The following MYT1L variants were observed in gnomAD, a reference collection of about 807,000 sequenced individuals.
MYT1L encodes the protein myelin transcription factor 1 like, also known as myelin transcription factor 1-like protein.
In MYT1L, 12 loss-of-function variants were observed where a neutral mutation model predicts 126.7. The ratio of observed to expected loss-of-function variants is 0.09; its 90% CI spans 0.06 to 0.15. MYT1L has a LOEUF of 0.15. Among genes scored for constraint, MYT1L ranks in the 10% least tolerant of loss-of-function variants. The pLI is 1.00. For synonymous variants in MYT1L, 541 were observed against 604.2 expected (o/e 0.90, Z 1.53); for missense variants, 979 against 1,585.2 (o/e 0.62, Z 6.49).
rs1339076827 is a variant in MYT1L at position 1,976,439 on chromosome 2, C to T, written c.152+2726G>A. Reference sequence around the variant, plus strand: ...GGCGGATCACCGGAGATCAGGAGTTCGAGACCAGCCTGGCCAATGTGGTGA... The same window carrying T: ...GGCGGATCACCGGAGATCAGGAGTTTGAGACCAGCCTGGCCAATGTGGTGA... On this transcript the variant is annotated intron_variant, in intron 8 of 24. Transcript: ENST00000647738. Among the ~76,000 whole-genome samples, 5 of 152,126 alleles carry T rather than the reference C, an allele frequency of 3.3e-5. No homozygotes were observed. The East Asian group carries it at 7.7e-4, about 24-fold the overall frequency.
rs530519553 is a variant in MYT1L, at chr2:1,943,807, G to C, written c.153-473C>G. 2.0e-5 allele frequency among the ~76,000 whole-genome samples: 3 copies of C among 151,944 alleles called. No individual in the cohort carries two copies. Among genetic ancestry groups the C allele is most frequent in the Non-Finnish European group, 4.4e-5 (3 of 68,000 alleles). ...ATGTCTATGTCGTGAAAGAGCTTTG[G>C]ATATATTTGGATTTGTATATTTTAT... On this transcript the variant is annotated intron_variant, in intron 8 of 24. Transcript: ENST00000647738. This position sits in a 1 kb window ranked among gnomAD's most constrained non-coding sequence, Gnocchi z 4.4.
intron 4 of MYT1L, among the ~76,000 whole-genome samples, chr2:2,012,012 A>C (rs1458916885): frequency 6.6e-6 from 1 of 152,222 alleles, no homozygotes; most frequent in Non-Finnish European, 1.5e-5. Flanking sequence ...CACTTTAGAA[A>C]ACAGTGAGGC....
chr2:2,146,680 G>A (rs1396125846), intron 3 of MYT1L, among the ~76,000 whole-genome samples: 1 of 151,692 alleles, frequency 6.6e-6, no homozygotes, highest in Non-Finnish European at 1.5e-5. Flanking sequence ...GAATTAACAA[G>A]TGCATCTACA....
chr2:2,087,396 G>A (rs1454426847), intron 3 of MYT1L, among the ~76,000 whole-genome samples: 2 of 152,116 alleles, frequency 1.3e-5, no homozygotes, highest in Non-Finnish European at 2.9e-5. Context: ...GAAAGGCTAG[G>A]GTGCCACAGG....
intron 3 of MYT1L, among the ~76,000 whole-genome samples, chr2:2,073,682 G>T (rs1007334472): frequency 6.6e-6 from 1 of 152,208 alleles, no homozygotes; most frequent in Admixed American, 6.5e-5. Context: ...GTTGTATGTC[G>T]GTGACTCCCA....
intron 4 of MYT1L, among the ~76,000 whole-genome samples, chr2:2,006,885 T>C (rs1309788338): frequency 6.7e-6 from 1 of 149,936 alleles, no homozygotes; most frequent in African/African-American, 2.5e-5. Flanking sequence ...CTGAGCTCTT[T>C]AGGAAAAAAA....
At chr2:1,886,415 G>T in intron 18 of MYT1L, 124 bp downstream of exon 18, 2 of 600,474 alleles carry the variant, frequency 3.3e-6, no homozygotes, top group Non-Finnish European at 5.4e-6. Context: ...CTACATCAAG[G>T]CACTGGGGTG....
intron 2 of MYT1L, among the ~76,000 whole-genome samples, chr2:2,257,480 A>G (rs1572899796): frequency 6.6e-6 from 1 of 152,150 alleles, no homozygotes; most frequent in Non-Finnish European, 1.5e-5. Flanking sequence ...ATGAGGAGAG[A>G]TGCCATTCAA....
chr2:2,207,649 A>T (rs948369413), intron 2 of MYT1L, among the ~76,000 whole-genome samples: 2 of 152,216 alleles, frequency 1.3e-5, no homozygotes, highest in African/African-American at 4.8e-5. Flanking sequence ...GTTGACAATT[A>T]TTCTAGAGGC....
At chr2:2,287,263 A>T (rs2149439930) in intron 1 of MYT1L, among the ~76,000 whole-genome samples, 1 of 152,328 alleles carries the variant, frequency 6.6e-6, no homozygotes, top group East Asian at 1.9e-4. Flanking sequence ...CTGAAAAAAA[A>T]AAGTATTTGA....
At chr2:2,212,983 A>G (rs921378757) in intron 2 of MYT1L, among the ~76,000 whole-genome samples, 7 of 152,130 alleles carry the variant, frequency 4.6e-5, no homozygotes, top group African/African-American at 1.7e-4. Flanking sequence ...AAATAAGTAG[A>G]GGGGAGAGGC....
At chr2:2,230,014 C>T (rs1350110373) in intron 2 of MYT1L, among the ~76,000 whole-genome samples, 1 of 152,168 alleles carries the variant, frequency 6.6e-6, no homozygotes. Context: ...ACTGTTTACT[C>T]GCCTAACATA....
chr2:1,999,656 A>G (rs1210064862), intron 4 of MYT1L, among the ~76,000 whole-genome samples: 1 of 152,234 alleles, frequency 6.6e-6, no homozygotes, highest in Admixed American at 6.5e-5. Flanking sequence ...AATAAAAAAA[A>G]TGAAAACGAG....
chr2:2,201,634 G>T (rs1461887519), intron 2 of MYT1L, among the ~76,000 whole-genome samples: 1 of 151,680 alleles, frequency 6.6e-6, no homozygotes, highest in Non-Finnish European at 1.5e-5. Flanking sequence ...GGAGGCGGAA[G>T]CTGCAGGGAG....
chr2:2,105,274 T>A (rs1448556417), intron 3 of MYT1L, among the ~76,000 whole-genome samples: 1 of 152,116 alleles, frequency 6.6e-6, no homozygotes, highest in Non-Finnish European at 1.5e-5. Flanking sequence ...CCACATGCAA[T>A]GTGCTCGTGG....
chr2:1,809,026 C>T lies in MYT1L; in HGVS notation c.3172+50G>A, dbSNP rs771065875. 94 of 1,551,540 alleles carry T rather than the reference C, an allele frequency of 6.1e-5. No homozygotes were observed. The South Asian group carries it at 6.7e-4, about 11-fold the overall frequency. Reference sequence around the variant, plus strand: ...GACACACAGCTGGCATGGCCGTGCCCGCTGGGCCTTCCTGACCATGGGTGC... The same window carrying T: ...GACACACAGCTGGCATGGCCGTGCCTGCTGGGCCTTCCTGACCATGGGTGC... On this transcript the variant is annotated intron_variant, in intron 22 of 24. Coordinates refer to ENST00000647738, the MANE Select transcript of MYT1L (RefSeq NM_001303052.2).
intron 9 of MYT1L, among the ~76,000 whole-genome samples, chr2:1,928,242 A>G (rs1468438665): frequency 6.6e-6 from 1 of 152,164 alleles, no homozygotes; most frequent in Non-Finnish European, 1.5e-5. Flanking sequence ...ACCTGGTCAT[A>G]AATGTTTCAT....
chr2:2,143,238 C>T (rs2084303716), intron 3 of MYT1L, among the ~76,000 whole-genome samples: 2 of 147,700 alleles, frequency 1.4e-5, no homozygotes, highest in South Asian at 2.1e-4. Flanking sequence ...TGCAGTGAGC[C>T]GAGATTGTGC....
At chr2:1,895,205 G>C (rs1447909334) in intron 14 of MYT1L, among the ~76,000 whole-genome samples, 3 of 152,178 alleles carry the variant, frequency 2.0e-5, no homozygotes, top group Admixed American at 2.0e-4. Context: ...AGAAATCAGA[G>C]ACGACACAAA....
Sources: allele counts gnomAD v4.1 joint callset (sites outside exome capture counted in the v4.1 genomes callset), GRCh38; gene constraint gnomAD v4.1.1; non-coding constraint Gnocchi (gnomAD v3.1); transcripts MANE v1.5; gene names NCBI Gene and HGNC (gene_info 2026-07-23, HGNC 2026-07-21).